The following TNR variants were observed in gnomAD, a reference collection of about 807,000 sequenced individuals.
TNR encodes tenascin-R.
TNR carries 45 observed loss-of-function variants against 150.4 expected under a neutral mutation model. The observed-to-expected ratio is 0.30, with a 90% confidence interval of 0.24 to 0.38. The LOEUF is 0.38. TNR is among the 10% of genes least tolerant of loss of function. The probability of loss-of-function intolerance (pLI) is 1.00; values close to 1 mark genes in which losing one functional copy is unlikely to be tolerated. For missense variants in TNR, 1,544 were observed against 1,759.1 expected, an observed-to-expected ratio of 0.88 and a Z score of 2.19; for synonymous variants, 687 against 678.4, an observed-to-expected ratio of 1.01 and a Z score of -0.20.
intron 1 of TNR, among the ~76,000 whole-genome samples, chr1:175,691,796 C>T (rs1651879555): frequency 1.3e-5 from 2 of 152,124 alleles, no homozygotes; most frequent in South Asian, 2.1e-4. Context: ...TCTTCAGGCT[C>T]ATTCTCTCCC....
At chr1:175,535,492 G>A (rs538305806) in intron 1 of TNR, among the ~76,000 whole-genome samples, 31 of 151,514 alleles carry the variant, frequency 2.0e-4, no homozygotes, top group African/African-American at 7.0e-4. Context: ...ACGGAGTCTC[G>A]CTCTGTCGCC....
intron 2 of TNR, among the ~76,000 whole-genome samples, chr1:175,420,899 G>A (rs1192179250): frequency 6.6e-6 from 1 of 152,120 alleles, no homozygotes; most frequent in Non-Finnish European, 1.5e-5. Context: ...TTTCTCATAG[G>A]GAGATTGGAA....
chr1:175,492,254 T>A (rs921640371), intron 2 of TNR, among the ~76,000 whole-genome samples: 2 of 152,236 alleles, frequency 1.3e-5, no homozygotes, highest in Non-Finnish European at 2.9e-5. Context: ...GCTACTATCA[T>A]TTATGAGAGC....
intron 1 of TNR, among the ~76,000 whole-genome samples, chr1:175,642,979 T>C (rs16848899): frequency 0.033 from 4,948 of 152,220 alleles, 176 homozygotes; most frequent in African/African-American, 0.085. Context: ...AAAGCAAGTA[T>C]TGAGCCTAAA....
At chr1:175,556,090 A>G (rs542968006) in intron 1 of TNR, among the ~76,000 whole-genome samples, 85 of 152,378 alleles carry the variant, frequency 5.6e-4, no homozygotes, top group Admixed American at 1.6e-3. Context: ...CTGCAAATAC[A>G]TCTCCAAATA....
At position 175,394,449 on chromosome 1, in the gene TNR, T is replaced by A. The variant is rs12408994; in HGVS notation, c.1241-554A>T. On this transcript the variant is annotated intron_variant, in intron 5 of 22. Transcript: ENST00000367674. ...TGATGCACATTGAGAGTATTTTGTT[T>A]AGCTCAAATCACTAAGTCTAGGATG... Among the ~76,000 whole-genome samples the A allele has an allele frequency of 6.0e-3, 911 of 152,342 alleles. 17 individuals carry two copies. Among genetic ancestry groups the A allele is most frequent in the Admixed American group, 0.046 (710 of 15,306 alleles).
intron 1 of TNR, among the ~76,000 whole-genome samples, chr1:175,613,959 C>G (rs1480352406): frequency 1.3e-5 from 2 of 152,146 alleles, no homozygotes; most frequent in African/African-American, 4.8e-5. Context: ...CGGTCAAATC[C>G]TAGCCCAGCC....
At chr1:175,323,823 C>A (rs577444830) in intron 22 of TNR, among the ~76,000 whole-genome samples, 1 of 152,298 alleles carries the variant, frequency 6.6e-6, no homozygotes, top group East Asian at 1.9e-4. Flanking sequence ...TTTGACTGCT[C>A]ACTCCTAATG....
intron 2 of TNR, among the ~76,000 whole-genome samples, chr1:175,486,007 C>T (rs185600266): frequency 2.6e-5 from 4 of 152,278 alleles, no homozygotes; most frequent in African/African-American, 4.8e-5. Context: ...TATTCCCAAT[C>T]ATTTTGGCAC....
chr1:175,625,990 G>C (rs1664142977), intron 1 of TNR, among the ~76,000 whole-genome samples: 1 of 152,142 alleles, frequency 6.6e-6, no homozygotes, highest in Non-Finnish European at 1.5e-5. Context: ...ATTGAATCAT[G>C]GGGGCCTGTC....
intron 1 of TNR, among the ~76,000 whole-genome samples, chr1:175,625,688 C>T (rs1024989151): frequency 2.0e-5 from 3 of 152,138 alleles, no homozygotes; most frequent in Non-Finnish European, 4.4e-5. Flanking sequence ...CCTGTGAGAG[C>T]AGGCACTGCA....
chr1:175,727,883 T>C (rs1207817013), intron 1 of TNR, among the ~76,000 whole-genome samples: 3 of 152,184 alleles, frequency 2.0e-5, no homozygotes, highest in African/African-American at 7.2e-5. Flanking sequence ...TGAGGGCAAC[T>C]GTCTCTTGAG....
chr1:175,372,047 G>T (rs1652131317), intron 9 of TNR, among the ~76,000 whole-genome samples: 1 of 152,130 alleles, frequency 6.6e-6, no homozygotes, highest in African/African-American at 2.4e-5. Flanking sequence ...TCCAGATAGT[G>T]AGTGAGTTCT....
intron 2 of TNR, among the ~76,000 whole-genome samples, chr1:175,446,454 G>A (rs945269134): frequency 6.6e-6 from 1 of 152,054 alleles, no homozygotes; most frequent in Non-Finnish European, 1.5e-5. Flanking sequence ...TGTAGTTATG[G>A]GTGACATAGT....
chr1:175,367,447 C>A, intron 9 of TNR, 150 bp from the exon 10 acceptor site: 1 of 718,748 alleles, frequency 1.4e-6, no homozygotes, highest in Non-Finnish European at 2.4e-6. Flanking sequence ...TTAAGAAATC[C>A]CAATTTCACT....
intron 2 of TNR, among the ~76,000 whole-genome samples, chr1:175,435,476 A>G (rs1329549281): frequency 6.6e-6 from 1 of 152,240 alleles, no homozygotes; most frequent in Non-Finnish European, 1.5e-5. Flanking sequence ...AACTGGGGAC[A>G]TATGAAATTT....
chr1:175,733,741 C>T (rs894565026), intron 1 of TNR, among the ~76,000 whole-genome samples: 2 of 152,068 alleles, frequency 1.3e-5, no homozygotes, highest in Non-Finnish European at 2.9e-5. Flanking sequence ...CCCTCCAGAA[C>T]ATCTCACCTG....
At chr1:175,469,878 G>A (rs1490947973) in intron 2 of TNR, among the ~76,000 whole-genome samples, 2 of 152,036 alleles carry the variant, frequency 1.3e-5, no homozygotes, top group Non-Finnish European at 2.9e-5. Context: ...CTACTGCAAT[G>A]GTCCAAGCAG....
At chr1:175,545,092 G>T (rs568382487) in intron 1 of TNR, among the ~76,000 whole-genome samples, 1 of 152,138 alleles carries the variant, frequency 6.6e-6, no homozygotes, top group Non-Finnish European at 1.5e-5. Flanking sequence ...ATTTATTGTC[G>T]TAAGCCACTG....
Sources: gnomAD v4.1 joint callset for allele counts (sites outside exome capture counted in the v4.1 genomes callset) on GRCh38, gnomAD v4.1.1 for gene constraint, MANE v1.5 for transcripts, NCBI Gene and HGNC (gene_info 2026-07-23, HGNC 2026-07-21) for gene names.